The following PGCKA1 variants were observed in gnomAD, a reference collection of about 807,000 sequenced individuals.
PGCKA1 encodes the protein PDCD10 and GCKIII kinases-associated protein 1.
the PGCKA1 span, among the ~76,000 whole-genome samples, chr4:37,484,795 A>G: frequency 0.41 from 62,306 of 152,054 alleles, 13,070 homozygotes; most frequent in African/African-American, 0.48. Context: ...TCTGTAAACC[A>G]GAGAGTAAGA....
chr4:37,569,675 AGTTT>A, the PGCKA1 span, among the ~76,000 whole-genome samples: 1 of 152,218 alleles, frequency 6.6e-6, no homozygotes, highest in African/African-American at 2.4e-5. Flanking sequence ...GTTGTTAATA[AGTTT>A]GTTATGAGAA....
At chr4:37,568,756 TAAC>T in the PGCKA1 span, among the ~76,000 whole-genome samples, 18 of 152,226 alleles carry the variant, frequency 1.2e-4, no homozygotes, top group South Asian at 8.3e-4. Flanking sequence ...TTTGATGTGA[TAAC>T]AACAAGGAAA....
At chr4:37,485,869 T>C in the PGCKA1 span, among the ~76,000 whole-genome samples, 1 of 152,078 alleles carries the variant, frequency 6.6e-6, no homozygotes. Context: ...TCCATGAAAA[T>C]AGAAGGAACT....
the PGCKA1 span, among the ~76,000 whole-genome samples, chr4:37,476,039 A>G: frequency 6.6e-6 from 1 of 151,458 alleles, no homozygotes. Flanking sequence ...TTTAAAATGC[A>G]TTATTTTAAT....
chr4:37,523,287 A>G, the PGCKA1 span, among the ~76,000 whole-genome samples: 1 of 151,952 alleles, frequency 6.6e-6, no homozygotes, highest in African/African-American at 2.4e-5. Context: ...AGTGACTCAC[A>G]GTTGTTGTGT....
At chr4:37,485,385 G>A in the PGCKA1 span, among the ~76,000 whole-genome samples, 14 of 152,176 alleles carry the variant, frequency 9.2e-5, no homozygotes, top group Admixed American at 1.3e-4. Context: ...GAGTGGGTTC[G>A]TTATCTTGGG....
the PGCKA1 span, among the ~76,000 whole-genome samples, chr4:37,540,972 T>C: frequency 2.0e-5 from 3 of 146,860 alleles, no homozygotes; most frequent in African/African-American, 7.4e-5. Context: ...TCATGGAAGT[T>C]AAAGAAGGTA....
At chr4:37,574,489 A>G in the PGCKA1 span, among the ~76,000 whole-genome samples, 4 of 151,912 alleles carry the variant, frequency 2.6e-5, no homozygotes, top group African/African-American at 9.7e-5. Flanking sequence ...GGTACATGGT[A>G]TATATATTTA....
At chr4:37,557,961 A>T in the PGCKA1 span, 1 of 152,072 alleles carries the variant, frequency 6.6e-6, no homozygotes. Context: ...CACACTCACG[A>T]TAATACCTGA....
the PGCKA1 span, among the ~76,000 whole-genome samples, chr4:37,508,991 TG>T: frequency 6.6e-6 from 1 of 151,114 alleles, no homozygotes; most frequent in Non-Finnish European, 1.5e-5. Flanking sequence ...AGCAGGGGGT[TG>T]GGGGTAAGGT....
the PGCKA1 span, among the ~76,000 whole-genome samples, chr4:37,575,386 GTA>G: frequency 1.3e-5 from 2 of 151,896 alleles, no homozygotes; most frequent in African/African-American, 4.8e-5. Flanking sequence ...TTTGCCATTT[GTA>G]TGTCTTCTTT....
chr4:37,535,704 C>A, the PGCKA1 span, among the ~76,000 whole-genome samples: 1 of 152,098 alleles, frequency 6.6e-6, no homozygotes, highest in Non-Finnish European at 1.5e-5. Flanking sequence ...TCGCAGTAAC[C>A]CTGAGAGTTT....
chr4:37,585,974 G>T, the PGCKA1 span, among the ~76,000 whole-genome samples: 1 of 151,402 alleles, frequency 6.6e-6, no homozygotes, highest in South Asian at 2.1e-4. Context: ...ACTCTTGTTT[G>T]TATGCATAGG....
chr4:37,505,364 GC>G, the PGCKA1 span, among the ~76,000 whole-genome samples: 1 of 152,140 alleles, frequency 6.6e-6, no homozygotes, highest in Non-Finnish European at 1.5e-5. Flanking sequence ...AGTGATATGG[GC>G]CTGTCATTTT....
At chr4:37,504,646 T>C in the PGCKA1 span, among the ~76,000 whole-genome samples, 1 of 152,304 alleles carries the variant, frequency 6.6e-6, no homozygotes, top group African/African-American at 2.4e-5. Context: ...CTTTCACTTC[T>C]TTGGCTAATT....
the PGCKA1 span, among the ~76,000 whole-genome samples, chr4:37,515,480 A>G: frequency 5.9e-5 from 9 of 152,328 alleles, no homozygotes; most frequent in South Asian, 1.9e-3. Flanking sequence ...AATACATTGA[A>G]TGGGAGAAAC....
At chr4:37,506,664 T>C in the PGCKA1 span, among the ~76,000 whole-genome samples, 9 of 152,052 alleles carry the variant, frequency 5.9e-5, no homozygotes, top group African/African-American at 2.2e-4. Context: ...ATTTCCATTA[T>C]TTAGAATGTT....
At chr4:37,467,582 T>C in the PGCKA1 span, among the ~76,000 whole-genome samples, 1 of 152,176 alleles carries the variant, frequency 6.6e-6, no homozygotes, top group East Asian at 1.9e-4. Context: ...GAAACTGAGG[T>C]CTAGAAGGAC....
chr4:37,539,558 G>A, the PGCKA1 span, among the ~76,000 whole-genome samples: 567 of 152,302 alleles, frequency 3.7e-3, 1 homozygote, highest in African/African-American at 0.013. Flanking sequence ...AGAGGCTGAG[G>A]CAGGAGAATG....
Sources: allele counts gnomAD v4.1 joint callset (sites outside exome capture counted in the v4.1 genomes callset), GRCh38; gene constraint gnomAD v4.1.1; transcripts MANE v1.5; gene names NCBI Gene and HGNC (gene_info 2026-07-23, HGNC 2026-07-21).